GRM3: variants seen among roughly 807,000 people sequenced by gnomAD.
The protein encoded by GRM3 is metabotropic glutamate receptor 3.
A neutral mutation model predicts 70.5 loss-of-function variants in GRM3; 26 were observed. The observed-to-expected ratio is 0.37, with a 90% CI of 0.27 to 0.51. The LOEUF (loss-of-function observed/expected upper bound fraction) is 0.51. Among genes scored for constraint, GRM3 ranks in the 20% least tolerant of loss-of-function variants. GRM3 has a pLI of 0.93. For missense variants in GRM3, 859 were observed against 1,123.8 expected (o/e 0.76, Z 3.37); for synonymous variants, 443 against 434.9 (o/e 1.02, Z -0.23).
chr7:86,757,710 T>C (rs1369476074), intron 1 of GRM3, among the ~76,000 whole-genome samples: 1 of 152,182 alleles, frequency 6.6e-6, no homozygotes, highest in Non-Finnish European at 1.5e-5. Flanking sequence ...CACTGCTACA[T>C]GGCAGGAAAG....
chr7:86,664,127 T>G (rs866492393), intron 1 of GRM3, among the ~76,000 whole-genome samples: 6 of 152,008 alleles, frequency 3.9e-5, no homozygotes, highest in Middle Eastern at 3.4e-3. Context: ...AAAGTAGAAA[T>G]AAGAGCATCC....
intron 3 of GRM3, among the ~76,000 whole-genome samples, chr7:86,808,270 T>G (rs1162106306): frequency 6.6e-6 from 1 of 152,176 alleles, no homozygotes; most frequent in Non-Finnish European, 1.5e-5. Flanking sequence ...TAAAATGAGT[T>G]AGGGAGGATT....
intron 3 of GRM3, among the ~76,000 whole-genome samples, chr7:86,826,486 T>G (rs1798237294): frequency 6.6e-6 from 1 of 151,556 alleles, no homozygotes; most frequent in Non-Finnish European, 1.5e-5. Flanking sequence ...ACTGTTGGGG[T>G]AAGGTGGGAG....
intron 2 of GRM3, among the ~76,000 whole-genome samples, chr7:86,778,409 A>G (rs1390967432): frequency 6.6e-6 from 1 of 152,194 alleles, no homozygotes; most frequent in Non-Finnish European, 1.5e-5. Flanking sequence ...ACTTGTTTCT[A>G]CCAGATTCTA....
chr7:86,841,615 TA>T (rs1426214526), intron 4 of GRM3, among the ~76,000 whole-genome samples: 1 of 152,162 alleles, frequency 6.6e-6, no homozygotes, highest in Non-Finnish European at 1.5e-5. Context: ...AAAGTAGTTA[TA>T]ATACTAATTA....
rs2116736327 is a variant in GRM3, at chr7:86,839,268, G to C, written c.1754G>C (p.Cys585Ser). The stretch of plus-strand genomic sequence containing the variant: ...GCCATTGGCCCAGTCACCATTGCCT[G>C]TCTGGGTTTTATGTGTACATGCATG... ...AWAIGPVTIA[C>S]LGFMCTCMVV... The change falls in exon 4 of 6, where the codon TGT (cysteine) becomes TCT (serine). Residue 585 changes from cysteine (C) to serine (S), a missense_variant. Transcript: ENST00000361669. The surrounding 1 kb of genome is among the most constrained non-coding windows in gnomAD (Gnocchi z 4.5). The C allele has an allele frequency of 6.2e-7, 1 of 1,613,962 alleles. No individual in the cohort carries two copies. Among genetic ancestry groups the C allele is most frequent in the South Asian group, 1.1e-5 (1 of 91,076 alleles).
chr7:86,825,184 C>T (rs1454554142), intron 3 of GRM3, among the ~76,000 whole-genome samples: 2 of 152,180 alleles, frequency 1.3e-5, no homozygotes, highest in East Asian at 3.8e-4. Flanking sequence ...ATGTTTAGCT[C>T]CCGCTTATAA....
intron 3 of GRM3, among the ~76,000 whole-genome samples, chr7:86,835,334 TTAAAG>T (rs1440685057): frequency 6.6e-6 from 1 of 152,136 alleles, no homozygotes; most frequent in Non-Finnish European, 1.5e-5. Flanking sequence ...AACTCATACT[TTAAAG>T]TAAATTTGAA....
chr7:86,698,640 C>T (rs1254831654), intron 1 of GRM3, among the ~76,000 whole-genome samples: 1 of 150,768 alleles, frequency 6.6e-6, no homozygotes, highest in Non-Finnish European at 1.5e-5. Flanking sequence ...TGCACAAATG[C>T]ACAACTTTCA....
At position 86,787,087 on chromosome 7, in the gene GRM3, A is replaced by G. The variant is rs1434379233; in HGVS notation, c.1295A>G (p.Lys432Arg). The change falls in exon 3 of 6, where the codon AAG becomes AGG. Residue 432 changes from lysine to arginine, a missense_variant. Physicochemically the swap from Lys to Arg is conservative, Grantham distance 26. Coordinates refer to ENST00000361669, the MANE Select transcript of GRM3 (RefSeq NM_000840.3). ...ATCCTGGATGGGAAGAAGTTGTACA[A>G]GGATTACTTGCTGAAAATCAACTTC... is the stretch of plus-strand genomic sequence containing the variant. ...MKILDGKKLY[K>R]DYLLKINFTA... 6.2e-7 allele frequency: 1 copy of G among 1,606,062 alleles called. No individual in the cohort carries two copies. Among genetic ancestry groups the G allele is most frequent in the Non-Finnish European group, 8.5e-7 (1 of 1,174,324 alleles).
intron 1 of GRM3, among the ~76,000 whole-genome samples, chr7:86,685,596 GT>G: frequency 6.6e-6 from 1 of 152,050 alleles, no homozygotes; most frequent in Non-Finnish European, 1.5e-5. Flanking sequence ...TCCTTTCTCA[GT>G]TTCCTTATCT....
chr7:86,774,840 C>A (rs1796846309), intron 2 of GRM3, among the ~76,000 whole-genome samples: 1 of 152,022 alleles, frequency 6.6e-6, no homozygotes, highest in Admixed American at 6.6e-5. Context: ...AACAAATGAT[C>A]TAAAATTTGT....
chr7:86,687,625 C>G (rs73211624), intron 1 of GRM3, among the ~76,000 whole-genome samples: 44,533 of 151,660 alleles, frequency 0.29, 8,483 homozygotes, highest in East Asian at 0.72. Context: ...ACTAAAGGGA[C>G]TTCTTTAGGT....
chr7:86,734,144 C>T, intron 1 of GRM3, among the ~76,000 whole-genome samples: 1 of 152,238 alleles, frequency 6.6e-6, no homozygotes, highest in South Asian at 2.1e-4. Context: ...ACCTGATAGG[C>T]TATAAGGAGC....
intron 1 of GRM3, among the ~76,000 whole-genome samples, chr7:86,697,551 C>G (rs1055343464): frequency 1.3e-5 from 2 of 151,882 alleles, no homozygotes; most frequent in African/African-American, 2.4e-5. Flanking sequence ...CTTTTTTTCC[C>G]CACGTTATCA....
chr7:86,726,713 A>G (rs1055821365), intron 1 of GRM3, among the ~76,000 whole-genome samples: 21 of 152,286 alleles, frequency 1.4e-4, no homozygotes, highest in African/African-American at 4.8e-4. Flanking sequence ...CATAGTTAAA[A>G]ATGAAAGCAC....
intron 1 of GRM3, among the ~76,000 whole-genome samples, chr7:86,753,286 C>A (rs1024399619): frequency 6.6e-6 from 1 of 151,988 alleles, no homozygotes. Flanking sequence ...TTCATTTAAT[C>A]CTAAAAAAAC....
intron 1 of GRM3, among the ~76,000 whole-genome samples, chr7:86,658,338 G>C (rs1167668527): frequency 6.6e-6 from 1 of 152,204 alleles, no homozygotes; most frequent in East Asian, 1.9e-4. Context: ...CATGTGTGTC[G>C]AGATTCATGT....
chr7:86,806,172 T>A (rs1000549555), intron 3 of GRM3, among the ~76,000 whole-genome samples: 17 of 152,170 alleles, frequency 1.1e-4, no homozygotes, highest in Non-Finnish European at 2.2e-4. Flanking sequence ...GGTTGGTTCC[T>A]AGTCTTTGGT....
Sources: allele counts gnomAD v4.1 joint callset (sites outside exome capture counted in the v4.1 genomes callset), GRCh38; gene constraint gnomAD v4.1.1; non-coding constraint Gnocchi (gnomAD v3.1); transcripts MANE v1.5; gene names NCBI Gene and HGNC (gene_info 2026-07-23, HGNC 2026-07-21).